The following MYH11 variants were observed in gnomAD, a reference collection of about 807,000 sequenced individuals.
MYH11 encodes myosin heavy chain 11, also known as myosin-11.
Under a neutral mutation model 246.6 loss-of-function variants are expected in MYH11, and 80 were observed. That is an observed-to-expected ratio of 0.32 (90% CI 0.27 to 0.39). MYH11 has a LOEUF of 0.39. Among genes scored for constraint, MYH11 ranks in the 10% least tolerant of loss-of-function variants. The pLI, the probability that MYH11 is intolerant of heterozygous loss-of-function variation, is 1.00. For missense variants in MYH11, 2,158 were observed against 2,546.8 expected (o/e 0.85, Z 3.29); for synonymous variants, 1,071 against 1,015.5 (o/e 1.05, Z -1.04).
At chr16:15,733,281 T>C (rs893233438) in intron 26 of MYH11, among the ~76,000 whole-genome samples, 1 of 152,248 alleles carries the variant, frequency 6.6e-6, no homozygotes, top group African/African-American at 2.4e-5. Context: ...TTGCCCAGGC[T>C]GGAGTGCGAC....
At chr16:15,813,044 G>A (rs1028276337) in intron 3 of MYH11, among the ~76,000 whole-genome samples, 2 of 152,174 alleles carry the variant, frequency 1.3e-5, no homozygotes, top group Non-Finnish European at 2.9e-5. Context: ...GCATGTGCCT[G>A]TAATCCCAGC....
chr16:15,807,131 G>T (rs2043032619), intron 3 of MYH11, among the ~76,000 whole-genome samples: 2 of 151,816 alleles, frequency 1.3e-5, no homozygotes, highest in Non-Finnish European at 2.9e-5. Context: ...CTGGCTAATG[G>T]TTTTTTTGTT....
chr16:15,729,585 CTG>C (rs959469241), intron 27 of MYH11, among the ~76,000 whole-genome samples: 5 of 149,372 alleles, frequency 3.3e-5, no homozygotes, highest in East Asian at 3.9e-4. Flanking sequence ...GAGTCTCACT[CTG>C]TTGCCCAGGC....
At chr16:15,785,008 A>ATTTTTTTATTTTTTTT (rs2042436623) in intron 5 of MYH11, 1 of 96,518 alleles carries the variant, frequency 1.0e-5, no homozygotes, top group Non-Finnish European at 1.8e-5. Flanking sequence ...AATTCTCTTG[A>ATTTTTTTATTTTTTTT]TTTTTTTTTT....
intron 36 of MYH11, 173 bp from the exon 37 acceptor site, chr16:15,718,611 G>C (rs1001991115): frequency 9.8e-7 from 1 of 1,020,296 alleles, no homozygotes; most frequent in Non-Finnish European, 1.4e-6. Flanking sequence ...GTGGACAGCC[G>C]GGACTCAGGC....
intron 4 of MYH11, among the ~76,000 whole-genome samples, chr16:15,789,470 C>T (rs1030643065): frequency 6.6e-6 from 1 of 152,176 alleles, no homozygotes; most frequent in South Asian, 2.1e-4. Context: ...CACAATTGCT[C>T]CTGCTTTCAC....
At chr16:15,708,211 C>T (rs1567673781) in intron 40 of MYH11, among the ~76,000 whole-genome samples, 1 of 152,156 alleles carries the variant, frequency 6.6e-6, no homozygotes. Context: ...CAGCCCCCGG[C>T]ATTTGTCAGA....
Position 15,788,796 on chromosome 16 carries a change from ATATGTGTG to A in MYH11, c.531-2072_531-2065del, listed in dbSNP as rs1433018866. On this transcript the variant is annotated intron_variant, in intron 4 of 40. Coordinates refer to ENST00000300036, the MANE Select transcript of MYH11 (RefSeq NM_002474.3). ...CAGAAGGGGAAACTAAGACCAGAAT[ATATGTGTG>A]TGTGTGTGTGTGTGTGTGTGTGTGT... 9.0e-4 allele frequency among the ~76,000 whole-genome samples: 85 copies of A among 94,942 alleles called. No individual in the cohort carries two copies. In the Middle Eastern group the frequency reaches 0.013, roughly 15 times the overall value. The allele number at this position is 94,942 out of a possible 152,430, so 62.3% of individuals were successfully genotyped here. A position where few individuals can be genotyped will look rare whatever the true frequency, so the allele number is the denominator to read the frequency against.
chr16:15,732,729 G>A (rs1258765782), intron 26 of MYH11, 21 bp from the exon 27 acceptor site: 2 of 1,613,946 alleles, frequency 1.2e-6, no homozygotes, highest in African/African-American at 2.7e-5. Flanking sequence ...GGAACACAGT[G>A]AATGGCAGTT....
In MYH11 at chr16:15,717,331, G is replaced by A. The variant is rs190675029; in HGVS notation, c.5313C>T (p.Asn1771=). Residue 1771 remains asparagine, a synonymous_variant, in exon 38 of 41, where the codon AAC becomes AAT. Transcript: ENST00000300036. ...KATQQAEQLS[N]ELATERSTAQ... ...CCGTGCTGCGCTCTGTGGCCAGCTC[G>A]TTGCTGAGCTGCTCGGCCTGGGGAG... is the stretch of plus-strand genomic sequence containing the variant. 4.2e-5 allele frequency: 68 copies of A among 1,609,010 alleles called. No homozygotes were observed. The East Asian group carries it at 7.6e-4, about 18-fold the overall frequency.
In MYH11 at chr16:15,703,233, C is replaced by G; in HGVS notation, c.*758G>C. The G allele has an allele frequency of 4.7e-6, 1 of 214,176 alleles. No homozygotes were observed. Among genetic ancestry groups the G allele is most frequent in the East Asian group, 6.9e-5 (1 of 14,434 alleles). The allele number at this position is 214,176 out of a possible 1,614,324, so 13.3% of individuals were successfully genotyped here. A position where few individuals can be genotyped will look rare whatever the true frequency, so the allele number is the denominator to read the frequency against. On this transcript the variant is annotated 3_prime_UTR_variant, in exon 41 of 41. Transcript: ENST00000300036. ...CTCCCCTCCGTGGGAGCAGCGTCTC[C>G]TTTTCAATTCATGTGACTACAGAAG...
At chr16:15,713,295 TGAG>T (rs138427633) in intron 40 of MYH11, 8,062 of 152,112 alleles carry the variant, frequency 0.053, 239 homozygotes, top group East Asian at 0.098. Context: ...GGTAGGATGA[TGAG>T]GCAGTGGGAG....
chr16:15,806,999 G>A (rs985999847), intron 3 of MYH11, among the ~76,000 whole-genome samples: 1 of 151,754 alleles, frequency 6.6e-6, no homozygotes, highest in African/African-American at 2.4e-5. Flanking sequence ...GTGTCACTCT[G>A]ATGCCCAGGC....
chr16:15,762,533 C>T (rs992126538), intron 10 of MYH11, among the ~76,000 whole-genome samples: 1 of 152,138 alleles, frequency 6.6e-6, no homozygotes, highest in Non-Finnish European at 1.5e-5. Flanking sequence ...GCTGACACCA[C>T]CCAGATCGAG....
rs773212523 is a variant in MYH11 at position 15,753,376 on chromosome 16, G to T, written c.1864+18C>A. On this transcript the variant is annotated intron_variant, in intron 15 of 40. Transcript: ENST00000300036. Reference sequence around the variant, plus strand: ...CCAGCTCAAAGCAGAACATGGACCCGAGCAGAGAAGGCCTTACCGTCCTTC... The same window carrying T: ...CCAGCTCAAAGCAGAACATGGACCCTAGCAGAGAAGGCCTTACCGTCCTTC... 6.2e-7 allele frequency: 1 copy of T among 1,605,052 alleles called. No homozygotes were observed.
At chr16:15,801,014 T>A (rs2042872499) in intron 3 of MYH11, among the ~76,000 whole-genome samples, 1 of 152,050 alleles carries the variant, frequency 6.6e-6, no homozygotes, top group Admixed American at 6.6e-5. Flanking sequence ...CAGACCAGCC[T>A]GGCTAACATG....
intron 10 of MYH11, 55 bp downstream of exon 10, chr16:15,763,741 T>TCCGCCCCCCCCCC: frequency 1.5e-6 from 1 of 646,856 alleles, no homozygotes; most frequent in East Asian, 3.2e-5. Context: ...AAATGTCACC[T>TCCGCCCCCCCCCC]CCCCCACCCC....
rs918351111 is a variant in MYH11, at chr16:15,769,158, CA to C, written c.1033+2410del. Among the ~76,000 whole-genome samples the C allele has an allele frequency of 3.3e-5, 5 of 151,698 alleles. No homozygotes were observed. The South Asian group carries it at 8.3e-4, about 25-fold the overall frequency. On this transcript the variant is annotated intron_variant, in intron 9 of 40. Transcript: ENST00000300036. ...CGAGACCCAGTATCTACTAAAAATA[CA>C]AAAAAAATTAGTGGGGCATGGTGGT...
chr16:15,747,925 C>T lies in MYH11; in HGVS notation c.2199G>A (p.Ala733=), dbSNP rs375397717. Residue 733 remains alanine, a synonymous_variant, in exon 18 of 41, where the codon GCG becomes GCA. Transcript: ENST00000300036. ...EFRQRYEILA[A]NAIPKGFMDG... ...CCATGAAGCCTTTGGGGATGGCATT[C>T]GCCGCCAGGATCTCGTAGCTTGAAA... 9.9e-6 allele frequency: 16 copies of T among 1,613,906 alleles called. No homozygotes were observed. The highest frequency in any genetic ancestry group is 5.3e-5 in the African/African-American group (4 of 74,868).
Sources: allele counts gnomAD v4.1 joint callset (sites outside exome capture counted in the v4.1 genomes callset), GRCh38; gene constraint gnomAD v4.1.1; transcripts MANE v1.5; gene names NCBI Gene and HGNC (gene_info 2026-07-23, HGNC 2026-07-21).